NXPE2: variants seen among roughly 807,000 people sequenced by gnomAD.
NXPE2 encodes the protein NXPE family member 2.
NXPE2 carries 34 observed loss-of-function variants against 34.4 expected under a neutral mutation model. That is an observed-to-expected ratio of 0.99 (90% CI 0.75 to 1.31). The LOEUF is 1.31. Among genes scored for constraint, NXPE2 ranks in the 40% most tolerant of loss-of-function variants. NXPE2 has a pLI of 0.00. For synonymous variants in NXPE2, 235 were observed against 231.3 expected (o/e 1.02, Z -0.15); for missense variants, 649 against 672.5 (o/e 0.97, Z 0.39).
the NXPE2 span, among the ~76,000 whole-genome samples, chr11:114,597,241 T>G: frequency 6.6e-6 from 1 of 152,116 alleles, no homozygotes; most frequent in Non-Finnish European, 1.5e-5. Flanking sequence ...AATGTTTGAT[T>G]AGCCCAATAG....
At chr11:114,591,867 T>C in the NXPE2 span, among the ~76,000 whole-genome samples, 2 of 152,112 alleles carry the variant, frequency 1.3e-5, no homozygotes, top group Non-Finnish European at 2.9e-5. Flanking sequence ...TTGACCAGGG[T>C]ATATTATGTC....
the NXPE2 span, among the ~76,000 whole-genome samples, chr11:114,512,188 A>C: frequency 6.6e-6 from 1 of 152,200 alleles, no homozygotes; most frequent in Non-Finnish European, 1.5e-5. Context: ...GTTAATAAGA[A>C]AAAAGAAAAA....
the NXPE2 span, among the ~76,000 whole-genome samples, chr11:114,629,269 C>T: frequency 6.6e-6 from 1 of 152,064 alleles, no homozygotes; most frequent in African/African-American, 2.4e-5. Flanking sequence ...CAAAAATCCT[C>T]AATAAAATAC....
chr11:114,712,000 A>G (rs950681221), downstream of NXPE2, among the ~76,000 whole-genome samples: 3 of 152,162 alleles, frequency 2.0e-5, no homozygotes, highest in Non-Finnish European at 4.4e-5. Flanking sequence ...ACAGTAGGGA[A>G]AAAAAGAACA....
the NXPE2 span, among the ~76,000 whole-genome samples, chr11:114,489,242 G>A: frequency 3.4e-3 from 522 of 151,330 alleles, 5 homozygotes; most frequent in African/African-American, 9.3e-3. Context: ...AAAAAAGTCC[G>A]GGACCAGATG....
chr11:114,629,516 T>G, the NXPE2 span, among the ~76,000 whole-genome samples: 2 of 151,600 alleles, frequency 1.3e-5, no homozygotes, highest in Admixed American at 6.6e-5. Context: ...TGATGGGACA[T>G]ATCTCAAAAT....
chr11:114,742,889 T>C, the NXPE2 span, among the ~76,000 whole-genome samples: 2 of 152,186 alleles, frequency 1.3e-5, no homozygotes, highest in African/African-American at 4.8e-5. Context: ...CCAACAGGCT[T>C]CTTTTGTTGA....
At chr11:114,643,673 G>A in the NXPE2 span, among the ~76,000 whole-genome samples, 1 of 151,468 alleles carries the variant, frequency 6.6e-6, no homozygotes, top group Non-Finnish European at 1.5e-5. Flanking sequence ...TTGTAGTATA[G>A]TTTAAAGTCA....
chr11:114,743,602 T>C, the NXPE2 span, among the ~76,000 whole-genome samples: 1 of 152,150 alleles, frequency 6.6e-6, no homozygotes, highest in Non-Finnish European at 1.5e-5. Context: ...TATTGCCTAC[T>C]TTTTATAGAT....
downstream of NXPE2, among the ~76,000 whole-genome samples, chr11:114,707,813 C>T (rs1222737840): frequency 6.6e-6 from 1 of 152,154 alleles, no homozygotes. Context: ...TTCTGTCTGG[C>T]GTATTTCACT....
At chr11:114,728,888 C>T in the NXPE2 span, among the ~76,000 whole-genome samples, 1 of 151,888 alleles carries the variant, frequency 6.6e-6, no homozygotes, top group African/African-American at 2.4e-5. Flanking sequence ...CAAATATGCC[C>T]AACTAATTTA....
At chr11:114,527,837 T>A in the NXPE2 span, 1 of 1,604,144 alleles carries the variant, frequency 6.2e-7, no homozygotes, top group Non-Finnish European at 8.5e-7. Context: ...AGAGCCAACT[T>A]ACTGTTACAA....
chr11:114,701,448 C>T (rs534450553), intron 3 of NXPE2, among the ~76,000 whole-genome samples: 1 of 152,258 alleles, frequency 6.6e-6, no homozygotes, highest in East Asian at 1.9e-4. Context: ...GGGCTGTGCT[C>T]ATGACAGTAA....
At chr11:114,805,160 A>G in the NXPE2 span, among the ~76,000 whole-genome samples, 4 of 151,930 alleles carry the variant, frequency 2.6e-5, no homozygotes, top group Admixed American at 2.6e-4. Context: ...CTAAACAAGT[A>G]ACCTTGGGTT....
At chr11:114,637,011 G>A in the NXPE2 span, among the ~76,000 whole-genome samples, 1 of 152,080 alleles carries the variant, frequency 6.6e-6, no homozygotes, top group East Asian at 1.9e-4. Context: ...CAATTCCTGG[G>A]TATCGTTGTT....
At chr11:114,762,285 G>A in the NXPE2 span, among the ~76,000 whole-genome samples, 2 of 152,144 alleles carry the variant, frequency 1.3e-5, no homozygotes, top group Non-Finnish European at 2.9e-5. Flanking sequence ...TGTGATGTGA[G>A]TGTGTATGTG....
At chr11:114,634,779 T>A in the NXPE2 span, among the ~76,000 whole-genome samples, 4 of 152,052 alleles carry the variant, frequency 2.6e-5, no homozygotes, top group African/African-American at 9.7e-5. Flanking sequence ...GTTGTAGATA[T>A]GTGGCATTAT....
chr11:114,813,135 T>A, the NXPE2 span, among the ~76,000 whole-genome samples: 18 of 152,160 alleles, frequency 1.2e-4, no homozygotes, highest in Non-Finnish European at 2.6e-4. Flanking sequence ...CAGGAAAACA[T>A]CCTGCAGGAA....
chr11:114,681,075 C>T (rs1187214581), intron 2 of NXPE2, among the ~76,000 whole-genome samples: 2 of 152,178 alleles, frequency 1.3e-5, no homozygotes, highest in Non-Finnish European at 2.9e-5. Flanking sequence ...GCTGATCAGC[C>T]ACTAAGTCTT....
Sources: gnomAD v4.1 joint callset for allele counts (sites outside exome capture counted in the v4.1 genomes callset) on GRCh38, gnomAD v4.1.1 for gene constraint, MANE v1.5 for transcripts, NCBI Gene and HGNC (gene_info 2026-07-23, HGNC 2026-07-21) for gene names.